The following DNAJC13 variants were observed in gnomAD, a reference collection of about 807,000 sequenced individuals.
DNAJC13 encodes the protein DnaJ heat shock protein family (Hsp40) member C13, also known as dnaJ homolog subfamily C member 13.
Under a neutral mutation model 290.5 loss-of-function variants are expected in DNAJC13, and 75 were observed. That is an observed-to-expected ratio of 0.26 (90% CI 0.21 to 0.31). The LOEUF (loss-of-function observed/expected upper bound fraction) is 0.31. Ranked by LOEUF, DNAJC13 falls within the 10% of genes least tolerant of loss-of-function variation. DNAJC13 has a pLI of 1.00. For missense variants in DNAJC13, 2,260 were observed against 2,674.5 expected (o/e 0.85, Z 3.42); for synonymous variants, 862 against 892.0 (o/e 0.97, Z 0.60).
intron 28 of DNAJC13, among the ~76,000 whole-genome samples, chr3:132,483,821 A>C (rs1576490772): frequency 6.6e-6 from 1 of 152,234 alleles, no homozygotes; most frequent in African/African-American, 2.4e-5. Context: ...TACAATAGTA[A>C]CAATTTTATA....
intron 2 of DNAJC13, among the ~76,000 whole-genome samples, chr3:132,436,234 T>C (rs1281220658): frequency 6.6e-6 from 1 of 152,212 alleles, no homozygotes; most frequent in Non-Finnish European, 1.5e-5. Flanking sequence ...TTCCCCCTCT[T>C]TTGGCAGGCG....
intron 21 of DNAJC13, 58 bp downstream of exon 21, chr3:132,473,285 T>G: frequency 8.6e-7 from 1 of 1,162,188 alleles, no homozygotes; most frequent in South Asian, 1.3e-5. Context: ...ATGAGAGGCA[T>G]CATGACACGT....
chr3:132,463,345 A>G (rs549962998), intron 16 of DNAJC13, among the ~76,000 whole-genome samples: 47 of 152,316 alleles, frequency 3.1e-4, no homozygotes, highest in African/African-American at 1.0e-3. Flanking sequence ...TCTTTGCTCA[A>G]TGTTAGCTTC....
rs770891634 is a variant in DNAJC13 at position 132,463,835 on chromosome 3, A to G, written c.1892+18A>G. The G allele has an allele frequency of 1.1e-5, 17 of 1,597,704 alleles. No individual in the cohort carries two copies. The Admixed American group carries it at 2.3e-4, about 21-fold the overall frequency. Reference sequence around the variant, plus strand: ...ACAAATAGGTAGGTGATTTAATTCAATTTGCTGCAATTTAACTTCCTGTCT... The same window carrying G: ...ACAAATAGGTAGGTGATTTAATTCAGTTTGCTGCAATTTAACTTCCTGTCT... On this transcript the variant is annotated intron_variant, in intron 17 of 55. Transcript: ENST00000260818.
At chr3:132,418,430 A>G (rs1329331941) in intron 1 of DNAJC13, among the ~76,000 whole-genome samples, 2 of 152,118 alleles carry the variant, frequency 1.3e-5, no homozygotes, top group African/African-American at 2.4e-5. Context: ...ATACTTAACT[A>G]TGTTTAAGAG....
intron 1 of DNAJC13, among the ~76,000 whole-genome samples, chr3:132,424,929 A>T (rs1000891962): frequency 6.6e-6 from 1 of 152,124 alleles, no homozygotes; most frequent in Admixed American, 6.5e-5. Context: ...GCTAAAATTT[A>T]AAAATAGGGT....
At chr3:132,471,800 G>A (rs1193309247) in intron 20 of DNAJC13, among the ~76,000 whole-genome samples, 3 of 145,648 alleles carry the variant, frequency 2.1e-5, no homozygotes, top group Non-Finnish European at 4.6e-5. Context: ...CATCCCAGAC[G>A]ATGGGCGGCC....
intron 35 of DNAJC13, 103 bp downstream of exon 35, chr3:132,495,269 A>T: frequency 1.2e-6 from 1 of 833,474 alleles, no homozygotes; most frequent in Non-Finnish European, 1.9e-6. Flanking sequence ...CTGCCTCATA[A>T]TATATACTCA....
intron 12 of DNAJC13, 30 bp from the exon 13 acceptor site, chr3:132,457,239 C>G (rs1300642863): frequency 1.4e-5 from 21 of 1,495,056 alleles, no homozygotes; most frequent in Non-Finnish European, 1.9e-5. Flanking sequence ...TCTGGTATTG[C>G]TAGTATATGC....
Position 132,499,330 on chromosome 3 carries a change from G to C in DNAJC13, c.4341+20G>C, listed in dbSNP as rs751210084. ...CTAGAGGTAATACGGAGTGACCTTT[G>C]TGCTTTTTAAGCCAGTTTACACACA... On this transcript the variant is annotated intron_variant, in intron 37 of 55. Transcript: ENST00000260818. 1 of 1,557,850 alleles carries C rather than the reference G, an allele frequency of 6.4e-7. No homozygotes were observed.
Position 132,478,146 on chromosome 3 carries a change from G to A in DNAJC13, c.2709+6G>A. On this transcript the variant is annotated splice_donor_region_variant and intron_variant, in intron 24 of 55. Coordinates refer to ENST00000260818, the MANE Select transcript of DNAJC13 (RefSeq NM_015268.4). ...TCATTGGAATGTTAGAGAGGGTAAGGATATCATTTAAGGAAATTACTATTT... is the reference window on the plus strand; with the variant it reads ...TCATTGGAATGTTAGAGAGGGTAAGAATATCATTTAAGGAAATTACTATTT... The A allele has an allele frequency of 6.3e-7, 1 of 1,592,612 alleles. No homozygotes were observed. Among genetic ancestry groups the A allele is most frequent in the East Asian group, 2.2e-5 (1 of 44,694 alleles).
chr3:132,489,371 C>A (rs1934988062), intron 31 of DNAJC13, among the ~76,000 whole-genome samples: 1 of 151,800 alleles, frequency 6.6e-6, no homozygotes, highest in Non-Finnish European at 1.5e-5. Context: ...AGCTAAGATT[C>A]AGGAAGACTT....
At position 132,494,135 on chromosome 3, in the gene DNAJC13, G is replaced by A. The variant is rs1935154538; in HGVS notation, c.3826-9G>A. 1 of 1,550,438 alleles carries A rather than the reference G, an allele frequency of 6.4e-7. No individual in the cohort carries two copies. Among genetic ancestry groups the A allele is most frequent in the South Asian group, 1.2e-5 (1 of 84,248 alleles). The stretch of plus-strand genomic sequence containing the variant: ...ACTTTGATATAAATTTTAATCTTTT[G>A]TCTTTAAGGTTAAGCTTCTAAAAGA... On this transcript the variant is annotated splice_polypyrimidine_tract_variant and intron_variant, in intron 33 of 55. Coordinates refer to ENST00000260818, the MANE Select transcript of DNAJC13 (RefSeq NM_015268.4).
At chr3:132,510,863 G>C (rs1035434523) in intron 43 of DNAJC13, among the ~76,000 whole-genome samples, 4 of 152,088 alleles carry the variant, frequency 2.6e-5, no homozygotes, top group African/African-American at 7.2e-5. Flanking sequence ...ATACTAATGG[G>C]AGTATATCAG....
At position 132,454,084 on chromosome 3, in the gene DNAJC13, G is replaced by A. The variant is rs771637349; in HGVS notation, c.859G>A (p.Asp287Asn). ...TCATTAGGTATTTGCGTTGGTCTGT[G>A]ACTCAGAAAATCCACAACTTTTTAC... ...PLGEVFALVCDSENPQLFTIE... is the reference protein window; with the variant it reads ...PLGEVFALVCNSENPQLFTIE... Residue 287 changes from aspartate to asparagine, a missense_variant, in exon 9 of 56, where the codon GAC becomes AAC. Around this residue, in one of 3 missense-constraint regions of DNAJC13, gnomAD observed 762 missense variants for 964.1 expected, o/e 0.79. Coordinates refer to ENST00000260818, the MANE Select transcript of DNAJC13 (RefSeq NM_015268.4). 20 of 1,607,126 alleles carry A rather than the reference G, an allele frequency of 1.2e-5. No homozygotes were observed. The South Asian group carries it at 2.2e-4, about 18-fold the overall frequency.
intron 54 of DNAJC13, among the ~76,000 whole-genome samples, chr3:132,529,753 G>C (rs1250012162): frequency 6.8e-6 from 1 of 147,722 alleles, no homozygotes; most frequent in East Asian, 2.0e-4. Context: ...CGCCACTGCA[G>C]TCCAGCCTGG....
intron 20 of DNAJC13, among the ~76,000 whole-genome samples, chr3:132,469,336 A>G (rs1576478552): frequency 1.3e-5 from 2 of 152,348 alleles, no homozygotes; most frequent in Admixed American, 1.3e-4. Flanking sequence ...TGCATTTCTT[A>G]TATAGTCAAT....
chr3:132,429,407 C>G (rs914704890), intron 1 of DNAJC13, among the ~76,000 whole-genome samples: 5 of 152,014 alleles, frequency 3.3e-5, no homozygotes, highest in Admixed American at 2.6e-4. Context: ...CAATCGCTTA[C>G]CAGCTGTGTT....
intron 12 of DNAJC13, 37 bp downstream of exon 12, chr3:132,456,869 A>T (rs1933615443): frequency 6.2e-7 from 1 of 1,601,158 alleles, no homozygotes; most frequent in Non-Finnish European, 8.5e-7. Context: ...CTCTTAGAGA[A>T]TTTGAACTAC....
Sources: allele counts gnomAD v4.1 joint callset (sites outside exome capture counted in the v4.1 genomes callset), GRCh38; gene constraint gnomAD v4.1.1; regional missense constraint gnomAD v4.1.1; transcripts MANE v1.5; gene names NCBI Gene and HGNC (gene_info 2026-07-23, HGNC 2026-07-21).